KRT33B: variants seen among roughly 807,000 people sequenced by gnomAD.
The protein encoded by KRT33B is keratin 33B.
In KRT33B, 37 loss-of-function variants were observed where a neutral mutation model predicts 42.7. The observed-to-expected ratio is 0.87, with a 90% CI of 0.67 to 1.14. The LOEUF is 1.14. KRT33B is among the 50% of genes most tolerant of loss of function. KRT33B has a pLI of 0.00. For missense variants in KRT33B, 523 were observed against 515.1 expected, an observed-to-expected ratio of 1.02 and a Z score of -0.15; for synonymous variants, 237 against 221.2, an observed-to-expected ratio of 1.07 and a Z score of -0.63.
In KRT33B at chr17:41,369,383, T is replaced by C. The variant is rs1201970933; in HGVS notation, c.348+20A>G. On this transcript the variant is annotated intron_variant, in intron 1 of 6. Transcript: ENST00000251646. ...GATAAGTAGTTCATTAAGCTGGCAG[T>C]GTGGTGCCCACCTCCTCACCTTCTG... 6.2e-7 allele frequency: 1 copy of C among 1,611,508 alleles called. No individual in the cohort carries two copies. Among genetic ancestry groups the C allele is most frequent in the East Asian group, 2.2e-5 (1 of 44,840 alleles).
chr17:41,366,568 TG>T lies in KRT33B; in HGVS notation c.489del (p.Arg164GlyfsTer6). 1 of 1,612,502 alleles carries T rather than the reference TG, an allele frequency of 6.2e-7. No homozygotes were observed. On this transcript the variant is annotated frameshift_variant, in exon 3 of 7. Transcript: ENST00000251646. LOFTEE classifies it high-confidence loss of function. ...CACAGGGTCAGCTCATCCAGAATCC[TG>T]CGCAGGCTGTTGATGTCGGACTCCA... The part of the protein sequence containing the change: ...QLVESDINSL[R>X]RILDELTLCR...
chr17:41,366,408 T>C, intron 3 of KRT33B, 62 bp downstream of exon 3: 1 of 1,587,784 alleles, frequency 6.3e-7, no homozygotes, highest in South Asian at 1.1e-5. Flanking sequence ...AATCCTACCT[T>C]ATCCTATTCA....
rs547758340 is a variant in KRT33B at position 41,365,410 on chromosome 17, C to A, written c.732G>T (p.Glu244Asp). The A allele has an allele frequency of 4.3e-6, 7 of 1,612,198 alleles. 1 individual carries two copies. The African/African-American group carries it at 9.5e-5, about 22-fold the overall frequency. Residue 244 changes from glutamate to aspartate, a missense_variant, in exon 4 of 7, where the codon GAG becomes GAT. By Grantham distance (45) the Glu-to-Asp change is conservative. Transcript: ENST00000251646. ...ALVETNRREV[E>D]QWFATQTEEL... ...TGCCCACCTGCGTGGCGAACCATTG[C>A]TCCACTTCCCTGCGGTTGGTTTCCA...
At chr17:41,365,967 G>A (rs2017696186) in intron 3 of KRT33B, among the ~76,000 whole-genome samples, 2 of 151,402 alleles carry the variant, frequency 1.3e-5, no homozygotes, top group Admixed American at 6.5e-5. Flanking sequence ...ACATGCATCT[G>A]ATTTCGTAGT....
chr17:41,368,050 GA>G (rs1266388787), intron 1 of KRT33B, 60 bp from the exon 2 acceptor site: 6 of 1,509,036 alleles, frequency 4.0e-6, no homozygotes, highest in Non-Finnish European at 5.5e-6. Flanking sequence ...GCCTTAAAGT[GA>G]AATGCTATTT....
Position 41,369,682 on chromosome 17 carries a change from G to T in KRT33B, c.69C>A (p.Pro23=), listed in dbSNP as rs368962080. ...RTSCSSRPCV[P]PSCHGYTLPG... is the part of the protein sequence containing the mutation. ...GCAGGGTGTAGCCGTGGCAGCTGGG[G>T]GGCACACAGGGCCGGGAGGAGCAGC... The change falls in exon 1 of 7, where the codon CCC becomes CCA. Residue 23 remains proline, a synonymous_variant. Transcript: ENST00000251646. The T allele has an allele frequency of 6.2e-7, 1 of 1,613,958 alleles. No individual in the cohort carries two copies. Among genetic ancestry groups the T allele is most frequent in the Admixed American group, 1.7e-5 (1 of 60,024 alleles).
At position 41,369,454 on chromosome 17, in the gene KRT33B, C is replaced by T. The variant is rs1317207085; in HGVS notation, c.297G>A (p.Leu99=). The change falls in exon 1 of 7, where the codon CTG becomes CTA. Residue 99 remains leucine (L), a synonymous_variant. Coordinates refer to ENST00000251646, the MANE Select transcript of KRT33B (RefSeq NM_002279.5). ...RERSQQQEPL[L]CPSYQSYFKT... is the part of the protein sequence containing the mutation. ...TGAAGTAGGACTGGTAGCTGGGGCA[C>T]AGCAAGGGCTCCTGCTGCTGAGACC... 1.2e-6 allele frequency: 2 copies of T among 1,613,506 alleles called. No homozygotes were observed. The highest frequency in any genetic ancestry group is 1.7e-6 in the Non-Finnish European group (2 of 1,180,050).
chr17:41,367,931 C>T lies in KRT33B; in HGVS notation c.408G>A (p.Leu136=). The change falls in exon 2 of 7, where the codon CTG becomes CTA. Residue 136 remains leucine, a synonymous_variant. Coordinates refer to ENST00000251646, the MANE Select transcript of KRT33B (RefSeq NM_002279.5). ...RLVVQIDNAK[L]AADDFRTKYQ... Reference sequence around the variant, plus strand: ...ACTTGGTTCTGAAGTCATCTGCAGCCAGCTTGGCATTGTCGATCTGCACCA... The same window carrying T: ...ACTTGGTTCTGAAGTCATCTGCAGCTAGCTTGGCATTGTCGATCTGCACCA... 9.3e-6 allele frequency: 15 copies of T among 1,612,896 alleles called. No homozygotes were observed. Among genetic ancestry groups the T allele is most frequent in the South Asian group, 1.1e-5 (1 of 91,080 alleles).
At chr17:41,365,663 G>T in intron 3 of KRT33B, 110 bp from the exon 4 acceptor site, 1 of 1,388,664 alleles carries the variant, frequency 7.2e-7, no homozygotes. Context: ...TAGGAAACAT[G>T]AGTTGAAGCC....
chr17:41,365,159 T>A lies in KRT33B; in HGVS notation c.876+16A>T. On this transcript the variant is annotated intron_variant, in intron 5 of 6. Coordinates refer to ENST00000251646, the MANE Select transcript of KRT33B (RefSeq NM_002279.5). Reference sequence around the variant, plus strand: ...CAAGTTCCCATCGCTCACCAGCAGGTCTGAACAATACACACCAGGTTGTGC... The same window carrying A: ...CAAGTTCCCATCGCTCACCAGCAGGACTGAACAATACACACCAGGTTGTGC... 6.2e-7 allele frequency: 1 copy of A among 1,611,382 alleles called. No homozygotes were observed. Among genetic ancestry groups the A allele is most frequent in the Non-Finnish European group, 8.5e-7 (1 of 1,179,890 alleles).
At chr17:41,364,042 A>C in intron 6 of KRT33B, 89 bp from the exon 7 acceptor site, 1 of 907,422 alleles carries the variant, frequency 1.1e-6, no homozygotes, top group East Asian at 2.5e-5. Flanking sequence ...AACAAGCAGA[A>C]CCCGTTCTCT....
chr17:41,365,218 G>A lies in KRT33B; in HGVS notation c.833C>T (p.Thr278Ile), dbSNP rs769114866. 6.2e-7 allele frequency: 1 copy of A among 1,611,826 alleles called. No individual in the cohort carries two copies. Among genetic ancestry groups the A allele is most frequent in the African/African-American group, 1.4e-5 (1 of 73,904 alleles). The change falls in exon 5 of 7, where the codon ACA (threonine) becomes ATA (isoleucine). Residue 278 changes from threonine to isoleucine, a missense_variant. Physicochemically the swap from Thr to Ile is moderately conservative, Grantham distance 89. Coordinates refer to ENST00000251646, the MANE Select transcript of KRT33B (RefSeq NM_002279.5). ...YQAEIIELRR[T>I]VNALEIELQA... ...CAGCTCGATCTCCAGGGCATTGACT[G>A]TGCGTCTCAGCTCGATGATCTCCGC...
In KRT33B at chr17:41,369,426, T is replaced by A; in HGVS notation, c.325A>T (p.Thr109Ser). 1 of 1,613,274 alleles carries A rather than the reference T, an allele frequency of 6.2e-7. No homozygotes were observed. Among genetic ancestry groups the A allele is most frequent in the Middle Eastern group, 1.6e-4 (1 of 6,062 alleles). ...ACCTTCTGCTGGAGCTCCTCAATGG[T>A]CTTGAAGTAGGACTGGTAGCTGGGG... is the stretch of plus-strand genomic sequence containing the variant. ...LCPSYQSYFK[T>S]IEELQQKILC... Residue 109 changes from threonine to serine, a missense_variant, in exon 1 of 7, where the codon ACC (threonine) becomes TCC (serine). By Grantham distance (58) the Thr-to-Ser change is moderately conservative (BLOSUM62 1). Coordinates refer to ENST00000251646, the MANE Select transcript of KRT33B (RefSeq NM_002279.5).
chr17:41,366,497 C>G lies in KRT33B; in HGVS notation c.561G>C (p.Leu187=). 6.2e-7 allele frequency: 1 copy of G among 1,612,640 alleles called. No individual in the cohort carries two copies. The highest frequency in any genetic ancestry group is 8.5e-7 in the Non-Finnish European group (1 of 1,180,014). The change falls in exon 3 of 7, where the codon CTG becomes CTC. Residue 187 remains leucine (L), a synonymous_variant. Transcript: ENST00000251646. ...EAQMESLKEE[L]LSLKQNHEQE... ...GCTCATGGTTCTGCTTGAGGGACAG[C>G]AGCTCCTCCTTCAGGGACTCCATCT...
intron 2 of KRT33B, 43 bp from the exon 3 acceptor site, chr17:41,366,669 A>AT: frequency 6.6e-7 from 1 of 1,523,722 alleles, no homozygotes; most frequent in East Asian, 2.3e-5. Flanking sequence ...AAAAAAAAAA[A>AT]GTCTTTGTTT....
chr17:41,366,492 G>A lies in KRT33B; in HGVS notation c.566C>T (p.Ser189Phe). 6.2e-7 allele frequency: 1 copy of A among 1,612,528 alleles called. No homozygotes were observed. Among genetic ancestry groups the A allele is most frequent in the Non-Finnish European group, 8.5e-7 (1 of 1,180,006 alleles). The change falls in exon 3 of 7, where the codon TCC becomes TTC. Residue 189 changes from serine (S) to phenylalanine (F), a missense_variant. Coordinates refer to ENST00000251646, the MANE Select transcript of KRT33B (RefSeq NM_002279.5). ...TACCTGCTCATGGTTCTGCTTGAGG[G>A]ACAGCAGCTCCTCCTTCAGGGACTC... ...QMESLKEELL[S>F]LKQNHEQEVN...
intron 1 of KRT33B, among the ~76,000 whole-genome samples, 174 bp downstream of exon 1, chr17:41,369,229 T>C (rs1209937383): frequency 6.6e-6 from 1 of 151,464 alleles, no homozygotes; most frequent in Non-Finnish European, 1.5e-5. Context: ...ATCCTTCCTT[T>C]GTGGCTCTAC....
intron 3 of KRT33B, among the ~76,000 whole-genome samples, chr17:41,365,781 T>G (rs1387413801): frequency 6.6e-6 from 1 of 151,320 alleles, no homozygotes; most frequent in Non-Finnish European, 1.5e-5. Context: ...CAGTCCAAGA[T>G]TCTATCATTT....
chr17:41,365,199 G>C lies in KRT33B; in HGVS notation c.852C>G (p.Ile284Met), dbSNP rs758235238. The stretch of plus-strand genomic sequence containing the variant: ...CCAGGTTGTGCTGGGCCTGCAGCTC[G>C]ATCTCCAGGGCATTGACTGTGCGTC... ...ELRRTVNALE[I>M]ELQAQHNLRY... Residue 284 changes from isoleucine (I) to methionine (M), a missense_variant, in exon 5 of 7, where the codon ATC (isoleucine) becomes ATG (methionine). Ile to Met is a conservative substitution (Grantham distance 10). Transcript: ENST00000251646. 5.6e-5 allele frequency: 90 copies of C among 1,611,612 alleles called. No individual in the cohort carries two copies. Among genetic ancestry groups the C allele is most frequent in the Admixed American group, 5.0e-5 (3 of 59,972 alleles).
Sources: allele counts gnomAD v4.1 joint callset (sites outside exome capture counted in the v4.1 genomes callset), GRCh38; gene constraint gnomAD v4.1.1; transcripts MANE v1.5; gene names NCBI Gene and HGNC (gene_info 2026-07-23, HGNC 2026-07-21).